The following DOK2 variants were observed in gnomAD, a reference collection of about 807,000 sequenced individuals.
DOK2 encodes docking protein 2, 56kD.
In DOK2, 28 loss-of-function variants were observed where a neutral mutation model predicts 26.0. The ratio of observed to expected loss-of-function variants is 1.08; its 90% CI spans 0.80 to 1.48. DOK2 has a LOEUF of 1.48. Among genes scored for constraint, DOK2 ranks in the 40% most tolerant of loss-of-function variants. The pLI, the probability that DOK2 is intolerant of heterozygous loss-of-function variation, is 0.00. For missense variants in DOK2, 682 were observed against 558.2 expected (o/e 1.22, Z -2.23); for synonymous variants, 282 against 236.9 (o/e 1.19, Z -1.75).
rs1275047557 is a variant in DOK2, at chr8:21,909,012, C to A, written c.*299G>T. 2.5e-5 allele frequency: 7 copies of A among 275,806 alleles called. No homozygotes were observed. The Admixed American group carries it at 3.3e-4, about 13-fold the overall frequency. The allele number at this position is 275,806 out of a possible 1,614,324, so 17.1% of individuals were successfully genotyped here. ...GGCTTGCATAGCCAAGCAGCCCAAG[C>A]AATTGCTGACATCCTTTTGTCCTCT... On this transcript the variant is annotated 3_prime_UTR_variant, in exon 5 of 5. Coordinates refer to ENST00000276420, the MANE Select transcript of DOK2 (RefSeq NM_003974.4).
chr8:21,909,197 G>C lies in DOK2; in HGVS notation c.*114C>G. ...GAGGCAATTTATCAGCCCCAACGAA[G>C]ACAGGCCAGGCCTCGGGCTCCAGAA... On this transcript the variant is annotated 3_prime_UTR_variant, in exon 5 of 5. Coordinates refer to ENST00000276420, the MANE Select transcript of DOK2 (RefSeq NM_003974.4). 2 of 1,327,332 alleles carry C rather than the reference G, an allele frequency of 1.5e-6. No individual in the cohort carries two copies. Among genetic ancestry groups the C allele is most frequent in the South Asian group, 1.5e-5 (1 of 64,742 alleles). The allele number at this position is 1,327,332 out of a possible 1,614,324, so 82.2% of individuals were successfully genotyped here.
In DOK2 at chr8:21,911,117, T is replaced by C; in HGVS notation, c.434-260A>G. The C allele has an allele frequency of 6.2e-6, 3 of 485,484 alleles. No homozygotes were observed. The South Asian group carries it at 8.3e-5, about 13-fold the overall frequency. 30.1% of individuals were successfully genotyped at this position (485,484 alleles called of 1,614,324 possible). On this transcript the variant is annotated intron_variant, in intron 3 of 4. Coordinates refer to ENST00000276420, the MANE Select transcript of DOK2 (RefSeq NM_003974.4). ...CCACCCCAACCTCGTGCCCACATCC[T>C]TCCTGCCCCTGTCGCCAGAGCCACA...
chr8:21,911,018 T>A (rs1372723895), intron 3 of DOK2, 161 bp from the exon 4 acceptor site: 8 of 825,880 alleles, frequency 9.7e-6, no homozygotes, highest in Non-Finnish European at 1.5e-5. Flanking sequence ...AGCTGCTCTG[T>A]GCCAGGTCAT....
Position 21,909,178 on chromosome 8 carries a change from A to G in DOK2, c.*133T>C. 8.5e-7 allele frequency: 1 copy of G among 1,180,334 alleles called. No homozygotes were observed. Among genetic ancestry groups the G allele is most frequent in the Non-Finnish European group, 1.2e-6 (1 of 846,960 alleles). 73.1% of individuals were successfully genotyped at this position (1,180,334 alleles called of 1,614,324 possible). A position where few individuals can be genotyped will look rare whatever the true frequency, so the allele number is the denominator to read the frequency against. On this transcript the variant is annotated 3_prime_UTR_variant, in exon 5 of 5. Coordinates refer to ENST00000276420, the MANE Select transcript of DOK2 (RefSeq NM_003974.4). Reference sequence around the variant, plus strand: ...CACCCAGCAGGCCCTGGGAGAGGCAATTTATCAGCCCCAACGAAGACAGGC... The same window carrying G: ...CACCCAGCAGGCCCTGGGAGAGGCAGTTTATCAGCCCCAACGAAGACAGGC...
rs200971271 is a variant in DOK2, at chr8:21,912,187, C to G, written c.345+42G>C. ...CACAGGAAGTATCTAACACCCTCGG[C>G]CTGCACGCCCCCTTGCCCTTTCCGC... On this transcript the variant is annotated intron_variant, in intron 2 of 4. Coordinates refer to ENST00000276420, the MANE Select transcript of DOK2 (RefSeq NM_003974.4). The G allele has an allele frequency of 4.6e-6, 7 of 1,506,004 alleles. No homozygotes were observed. In the African/African-American group the frequency reaches 6.9e-5, roughly 15 times the overall value. 93.3% of individuals were successfully genotyped at this position (1,506,004 alleles called of 1,614,324 possible).
In DOK2 at chr8:21,910,768, C is replaced by G; in HGVS notation, c.523G>C (p.Gly175Arg). The G allele has an allele frequency of 6.2e-7, 1 of 1,614,016 alleles. No individual in the cohort carries two copies. The highest frequency in any genetic ancestry group is 1.1e-5 in the South Asian group (1 of 91,038). ...HLRGSYTLRAGESALELWGGP... is the reference protein window; with the variant it reads ...HLRGSYTLRARESALELWGGP... Reference sequence around the variant, plus strand: ...CCCCACAGCTCCAGGGCACTCTCCCCAGCCCGGAGGGTATAGGACCCCCGC... The same window carrying G: ...CCCCACAGCTCCAGGGCACTCTCCCGAGCCCGGAGGGTATAGGACCCCCGC... Residue 175 changes from glycine (G) to arginine (R), a missense_variant, in exon 4 of 5, where the codon GGG (glycine) becomes CGG (arginine). By Grantham distance (125) the Gly-to-Arg change is moderately radical. Coordinates refer to ENST00000276420, the MANE Select transcript of DOK2 (RefSeq NM_003974.4).
At position 21,912,382 on chromosome 8, in the gene DOK2, G is replaced by A; in HGVS notation, c.192C>T (p.Asp64=). 6.2e-7 allele frequency: 1 copy of A among 1,603,388 alleles called. No individual in the cohort carries two copies. The highest frequency in any genetic ancestry group is 8.5e-7 in the Non-Finnish European group (1 of 1,176,586). Residue 64 remains aspartate, a synonymous_variant, in exon 2 of 5, where the codon GAC becomes GAT. Transcript: ENST00000276420. ...CGCCGGCCTCGGCCACCCGCAGGCA[G>A]TCACTGAGGCGGATGACCTTCCGGG... The part of the protein sequence containing the change: ...EAARKVIRLS[D]CLRVAEAGGE...
In DOK2 at chr8:21,911,891, G is replaced by A. The variant is rs962442294; in HGVS notation, c.433+10C>T. The A allele has an allele frequency of 6.4e-7, 1 of 1,554,392 alleles. No individual in the cohort carries two copies. ...CCCAGGGGAGAGCAGGGCAGCCCCC[G>A]CCCCCTCACCTGTGACTGCGCTGCT... On this transcript the variant is annotated intron_variant, in intron 3 of 4. Coordinates refer to ENST00000276420, the MANE Select transcript of DOK2 (RefSeq NM_003974.4).
Position 21,909,087 on chromosome 8 carries a change from A to C in DOK2, c.*224T>G. 1.1e-5 allele frequency: 5 copies of C among 448,410 alleles called. No homozygotes were observed. Among genetic ancestry groups the C allele is most frequent in the Non-Finnish European group, 7.9e-6 (2 of 252,568 alleles). 27.8% of individuals were successfully genotyped at this position (448,410 alleles called of 1,614,324 possible). On this transcript the variant is annotated 3_prime_UTR_variant, in exon 5 of 5. Coordinates refer to ENST00000276420, the MANE Select transcript of DOK2 (RefSeq NM_003974.4). ...TCAGCTGGGGAAAGAAAGAGGAGGAAGTGGAAAAAGAGTAGGAGGAGGGTG... is the reference window on the plus strand; with the variant it reads ...TCAGCTGGGGAAAGAAAGAGGAGGACGTGGAAAAAGAGTAGGAGGAGGGTG...
chr8:21,910,671 ACCTTGTC>A lies in DOK2; in HGVS notation c.613_618+1del. On this transcript the variant is annotated splice_donor_variant and coding_sequence_variant, in exon 4 of 5. Coordinates refer to ENST00000276420, the MANE Select transcript of DOK2 (RefSeq NM_003974.4). LOFTEE classifies it high-confidence loss of function. Reference sequence around the variant, plus strand: ...CCTGCCCTGATGCAGCTTCCCACTCACCTTGTCCCGCCCAAAGCGCCGCAGAAACCTG... The same window carrying A: ...CCTGCCCTGATGCAGCTTCCCACTCACCGCCCAAAGCGCCGCAGAAACCTG... The A allele has an allele frequency of 6.2e-7, 1 of 1,613,186 alleles. No individual in the cohort carries two copies. The highest frequency in any genetic ancestry group is 1.1e-5 in the South Asian group (1 of 91,018).
rs188464433 is a variant in DOK2 at position 21,911,526 on chromosome 8, T to C, written c.433+375A>G. Among the ~76,000 whole-genome samples the C allele has an allele frequency of 4.6e-3, 695 of 152,290 alleles. 7 individuals carry two copies. The highest frequency in any genetic ancestry group is 0.016 in the African/African-American group (673 of 41,554). Reference sequence around the variant, plus strand: ...AGGAGGCTGAGGCAGGAGAATCGCTTGAACCCGGGAAGCGGCGGTTGCAGT... The same window carrying C: ...AGGAGGCTGAGGCAGGAGAATCGCTCGAACCCGGGAAGCGGCGGTTGCAGT... On this transcript the variant is annotated intron_variant, in intron 3 of 4. Coordinates refer to ENST00000276420, the MANE Select transcript of DOK2 (RefSeq NM_003974.4).
chr8:21,910,702 TGTAGGGCCA>T lies in DOK2; in HGVS notation c.580_588del (p.Trp194_Tyr196del). 1 of 1,614,068 alleles carries T rather than the reference TGTAGGGCCA, an allele frequency of 6.2e-7. No homozygotes were observed. The highest frequency in any genetic ancestry group is 1.3e-5 in the African/African-American group (1 of 75,036). ...TCCCGCCCAAAGCGCCGCAGAAACC[TGTAGGGCCA>T]GTCGTACAGCTGGGTCCCTGGCTCG... On this transcript the variant is annotated inframe_deletion, in exon 4 of 5. Transcript: ENST00000276420.
intron 4 of DOK2, 32 bp downstream of exon 4, chr8:21,910,637 TTCTC>T: frequency 6.2e-7 from 1 of 1,611,586 alleles, no homozygotes; most frequent in Non-Finnish European, 8.5e-7. Flanking sequence ...AGCTTATCCT[TTCTC>T]TCAACCTGCC....
intron 3 of DOK2, 24 bp from the exon 4 acceptor site, chr8:21,910,881 G>A (rs534191632): frequency 6.4e-7 from 1 of 1,560,114 alleles, no homozygotes; most frequent in Non-Finnish European, 8.7e-7. Context: ...GAGAGAGAAG[G>A]CGAAGGCAGT....
intron 4 of DOK2, 51 bp from the exon 5 acceptor site, chr8:21,909,982 ATT>A (rs368685616): frequency 0.025 from 32,817 of 1,304,166 alleles, no homozygotes; most frequent in Non-Finnish European, 0.026. Flanking sequence ...GCAGGGGTGC[ATT>A]TTTTTTTTTT....
In DOK2 at chr8:21,912,630, G is replaced by C. The variant is rs1044921190; in HGVS notation, c.64-120C>G. On this transcript the variant is annotated intron_variant, in intron 1 of 4. Transcript: ENST00000276420. ...ACTGGGGCAGCCACTTGGAGATGGG[G>C]AGAGAGAGGTGAAGATCACATGAGA... is the stretch of plus-strand genomic sequence containing the variant. 1.0e-5 allele frequency: 10 copies of C among 953,998 alleles called. No homozygotes were observed. The African/African-American group carries it at 1.3e-4, about 13-fold the overall frequency. 59.1% of individuals were successfully genotyped at this position (953,998 alleles called of 1,614,324 possible). A position where few individuals can be genotyped will look rare whatever the true frequency, so the allele number is the denominator to read the frequency against.
chr8:21,911,923 T>C lies in DOK2; in HGVS notation c.411A>G (p.Glu137=), dbSNP rs758963879. 1.3e-6 allele frequency: 2 copies of C among 1,562,966 alleles called. No individual in the cohort carries two copies. The highest frequency in any genetic ancestry group is 8.7e-7 in the Non-Finnish European group (1 of 1,153,432). The change falls in exon 3 of 5, where the codon GAA becomes GAG. Residue 137 remains glutamate, a synonymous_variant. Transcript: ENST00000276420. ...CACCTGTGACTGCGCTGCTGTACAATTCATTTTCCTCCATGCAGGGCCGGC... is the reference window on the plus strand; with the variant it reads ...CACCTGTGACTGCGCTGCTGTACAACTCATTTTCCTCCATGCAGGGCCGGC... ...KQSRPCMEEN[E]LYSSAVTVGP...
At chr8:21,911,787 G>A (rs1235233550) in intron 3 of DOK2, 114 bp downstream of exon 3, 2 of 1,191,752 alleles carry the variant, frequency 1.7e-6, no homozygotes, top group East Asian at 5.5e-5. Context: ...CCAGGCTGGG[G>A]ATAACCACAA....
At position 21,912,280 on chromosome 8, in the gene DOK2, A is replaced by G; in HGVS notation, c.294T>C (p.Pro98=). Residue 98 remains proline, a synonymous_variant, in exon 2 of 5, where the codon CCT becomes CCC. Coordinates refer to ENST00000276420, the MANE Select transcript of DOK2 (RefSeq NM_003974.4). ...GCACCCAGTCGCCGCGCTCCGCTGCAGGGGCCGCCAGGAGGTACAGGCGCT... is the reference window on the plus strand; with the variant it reads ...GCACCCAGTCGCCGCGCTCCGCTGCGGGGGCCGCCAGGAGGTACAGGCGCT... ...TKERLYLLAA[P]AAERGDWVQA... The G allele has an allele frequency of 6.3e-7, 1 of 1,588,170 alleles. No homozygotes were observed. Among genetic ancestry groups the G allele is most frequent in the Non-Finnish European group, 8.5e-7 (1 of 1,169,860 alleles).
Sources: allele counts gnomAD v4.1 joint callset (sites outside exome capture counted in the v4.1 genomes callset), GRCh38; gene constraint gnomAD v4.1.1; transcripts MANE v1.5; gene names NCBI Gene and HGNC (gene_info 2026-07-23, HGNC 2026-07-21).